Variants in PCDHGA7 observed in about 807,000 individuals in gnomAD.
PCDHGA7 encodes protocadherin gamma subfamily A, 7.
Under a neutral mutation model 58.3 loss-of-function variants are expected in PCDHGA7, and 44 were observed. That is an observed-to-expected ratio of 0.75 (90% CI 0.59 to 0.97). The LOEUF (loss-of-function observed/expected upper bound fraction) is 0.97. PCDHGA7 is among the 50% of genes least tolerant of loss of function. PCDHGA7 has a pLI of 0.00. For synonymous variants in PCDHGA7, 516 were observed against 504.2 expected (o/e 1.02, Z -0.31); for missense variants, 1,266 against 1,188.7 (o/e 1.06, Z -0.96).
chr5:141,492,359 C>A (rs1292383129), intron 1 of PCDHGA7, among the ~76,000 whole-genome samples: 3 of 152,336 alleles, frequency 2.0e-5, no homozygotes, highest in African/African-American at 7.2e-5. Flanking sequence ...GCCACTCGCT[C>A]GCGGCCAGAT....
chr5:141,509,575 T>C (rs186302231), intron 3 of PCDHGA7, among the ~76,000 whole-genome samples: 153 of 152,320 alleles, frequency 1.0e-3, no homozygotes, highest in African/African-American at 3.7e-3. Flanking sequence ...TCACAGTGCG[T>C]ACAAATCAGC....
Position 141,406,695 on chromosome 5 carries a change from A to T in PCDHGA7, c.2424+21372A>T, listed in dbSNP as rs62378452. Among the ~76,000 whole-genome samples, 1,219 of 152,310 alleles carry T rather than the reference A, an allele frequency of 8.0e-3. 8 individuals are homozygous for T. Among genetic ancestry groups the T allele is most frequent in the Non-Finnish European group, 0.011 (770 of 68,010 alleles). Reference sequence around the variant, plus strand: ...GAATAGTAGGACATTCTTCTTTTCTATAGTATATGCTTGCTCAAGAGAAGT... The same window carrying T: ...GAATAGTAGGACATTCTTCTTTTCTTTAGTATATGCTTGCTCAAGAGAAGT... On this transcript the variant is annotated intron_variant, in intron 1 of 3. Coordinates refer to ENST00000518325, the MANE Select transcript of PCDHGA7 (RefSeq NM_018920.4).
At chr5:141,413,993 G>A (rs756042576) in intron 1 of PCDHGA7, 2 of 1,613,486 alleles carry the variant, frequency 1.2e-6, no homozygotes, top group Non-Finnish European at 1.7e-6. Context: ...GCCACCGACA[G>A]GGACGAAGGT....
chr5:141,495,449 G>T (rs1249221693), intron 2 of PCDHGA7, among the ~76,000 whole-genome samples: 1 of 152,194 alleles, frequency 6.6e-6, no homozygotes, highest in East Asian at 1.9e-4. Flanking sequence ...TACTTGTCCT[G>T]CTCTCTGTCT....
intron 1 of PCDHGA7, among the ~76,000 whole-genome samples, chr5:141,460,478 A>G (rs989135238): frequency 6.6e-5 from 10 of 152,136 alleles, no homozygotes; most frequent in African/African-American, 2.4e-4. Context: ...GGAATATCCA[A>G]TTGTCTCTTT....
chr5:141,409,486 C>T, intron 1 of PCDHGA7: 1 of 1,613,992 alleles, frequency 6.2e-7, no homozygotes, highest in Non-Finnish European at 8.5e-7. Context: ...CTGACAGGGG[C>T]AAGCCGCCTC....
intron 1 of PCDHGA7, chr5:141,394,704 G>A (rs1357305999): frequency 1.2e-6 from 2 of 1,613,268 alleles, no homozygotes; most frequent in East Asian, 2.2e-5. Context: ...CACGGCGCGA[G>A]CCCTGCTGGA....
chr5:141,436,185 A>G (rs1324749623), intron 1 of PCDHGA7, among the ~76,000 whole-genome samples: 1 of 152,142 alleles, frequency 6.6e-6, no homozygotes, highest in Non-Finnish European at 1.5e-5. Flanking sequence ...ATATAGTCAA[A>G]TAGAAAGAAA....
chr5:141,484,333 A>T (rs1019527273), intron 1 of PCDHGA7, among the ~76,000 whole-genome samples: 2 of 152,198 alleles, frequency 1.3e-5, no homozygotes, highest in Non-Finnish European at 2.9e-5. Flanking sequence ...CCTTGAAATC[A>T]ATGAATGGTA....
chr5:141,440,671 T>C (rs2098194169), intron 1 of PCDHGA7: 1 of 152,210 alleles, frequency 6.6e-6, no homozygotes, highest in African/African-American at 2.4e-5. Context: ...CAACTCTATA[T>C]TTCTCTTTGA....
At chr5:141,410,441 A>C (rs1242063924) in intron 1 of PCDHGA7, 1 of 1,613,828 alleles carries the variant, frequency 6.2e-7, no homozygotes, top group South Asian at 1.1e-5. Flanking sequence ...CAGTGAGGGG[A>C]CTTTGCCTTA....
intron 1 of PCDHGA7, among the ~76,000 whole-genome samples, chr5:141,397,572 C>T (rs374731219): frequency 1.8e-4 from 27 of 152,196 alleles, no homozygotes; most frequent in Middle Eastern, 3.4e-3. Context: ...AGAGCAAGAA[C>T]TGTATCATAT....
At chr5:141,510,335 AC>A (rs1247622083) in intron 3 of PCDHGA7, among the ~76,000 whole-genome samples, 1 of 149,138 alleles carries the variant, frequency 6.7e-6, no homozygotes, top group African/African-American at 2.5e-5. Context: ...CTTCACCCCC[AC>A]CCCACACACT....
At chr5:141,482,755 T>TGA (rs1554165462) in intron 1 of PCDHGA7, among the ~76,000 whole-genome samples, 1 of 143,580 alleles carries the variant, frequency 7.0e-6, no homozygotes, top group Admixed American at 6.9e-5. Context: ...GGGATTATGG[T>TGA]ATTTCATTAT....
In PCDHGA7 at chr5:141,431,913, T is replaced by C; in HGVS notation, c.2424+46590T>C. The C allele has an allele frequency of 6.2e-7, 1 of 1,614,140 alleles. No individual in the cohort carries two copies. Among genetic ancestry groups the C allele is most frequent in the Admixed American group, 1.7e-5 (1 of 60,034 alleles). On this transcript the variant is annotated intron_variant, in intron 1 of 3. Transcript: ENST00000518325. This position sits in a 1 kb window ranked among gnomAD's most constrained non-coding sequence, Gnocchi z 4.8. The stretch of plus-strand genomic sequence containing the variant: ...GAGGAAAACGGACAGGTGATCTGTT[T>C]CATCCAAGGAAATCTGCCCTTTAAA...
chr5:141,504,380 C>T (rs943816582), intron 2 of PCDHGA7, among the ~76,000 whole-genome samples: 1 of 152,088 alleles, frequency 6.6e-6, no homozygotes, highest in African/African-American at 2.4e-5. Flanking sequence ...GGTGGAGTCG[C>T]TGCCTCACAG....
In PCDHGA7 at chr5:141,476,966, G is replaced by C. The variant is rs780645226; in HGVS notation, c.2425-17841G>C. The C allele has an allele frequency of 1.2e-6, 2 of 1,614,152 alleles. No homozygotes were observed. Among genetic ancestry groups the C allele is most frequent in the Non-Finnish European group, 1.7e-6 (2 of 1,180,032 alleles). On this transcript the variant is annotated intron_variant, in intron 1 of 3. Coordinates refer to ENST00000518325, the MANE Select transcript of PCDHGA7 (RefSeq NM_018920.4). This position sits in a 1 kb window ranked among gnomAD's most constrained non-coding sequence, Gnocchi z 7.6. ...CAACGGTGAAATTATTTACTCCTTCGGCAGCCACAACCGCGCCGGCGTGCG... is the reference window on the plus strand; with the variant it reads ...CAACGGTGAAATTATTTACTCCTTCCGCAGCCACAACCGCGCCGGCGTGCG...
intron 1 of PCDHGA7, chr5:141,428,035 A>C (rs776717344): frequency 6.2e-7 from 1 of 1,607,926 alleles, no homozygotes; most frequent in Non-Finnish European, 8.5e-7. Context: ...GAGTCCGGCT[A>C]CCTGGTGACC....
At chr5:141,417,345 A>G (rs937116752) in intron 1 of PCDHGA7, 3 of 153,022 alleles carry the variant, frequency 2.0e-5, no homozygotes, top group African/African-American at 7.2e-5. Flanking sequence ...GAGACCTATA[A>G]ACCTTCATGC....
Sources: allele counts gnomAD v4.1 joint callset (sites outside exome capture counted in the v4.1 genomes callset), GRCh38; gene constraint gnomAD v4.1.1; non-coding constraint Gnocchi (gnomAD v3.1); transcripts MANE v1.5; gene names NCBI Gene and HGNC (gene_info 2026-07-23, HGNC 2026-07-21).